HERC5: variants seen among roughly 807,000 people sequenced by gnomAD.
HERC5 encodes the protein E3 ISG15--protein ligase HERC5.
Under a neutral mutation model 119.6 loss-of-function variants are expected in HERC5, and 99 were observed. That is an observed-to-expected ratio of 0.83 (90% CI 0.70 to 0.98). The LOEUF (loss-of-function observed/expected upper bound fraction) is 0.98, where lower values mean the gene tolerates loss of function less well. Among genes scored for constraint, HERC5 ranks in the 50% least tolerant of loss-of-function variants. HERC5 has a pLI of 0.00. For missense variants in HERC5, 1,267 were observed against 1,241.3 expected (o/e 1.02, Z -0.31); for synonymous variants, 478 against 445.9 (o/e 1.07, Z -0.91).
Position 88,505,949 on chromosome 4 carries a change from T to C in HERC5, c.*71T>C. The C allele has an allele frequency of 7.8e-7, 1 of 1,286,042 alleles. No homozygotes were observed. Among genetic ancestry groups the C allele is most frequent in the Non-Finnish European group, 1.1e-6 (1 of 919,932 alleles). The allele number at this position is 1,286,042 out of a possible 1,614,324, so 79.7% of individuals were successfully genotyped here. A position where few individuals can be genotyped will look rare whatever the true frequency, so the allele number is the denominator to read the frequency against. On this transcript the variant is annotated 3_prime_UTR_variant, in exon 23 of 23. Coordinates refer to ENST00000264350, the MANE Select transcript of HERC5 (RefSeq NM_016323.4). ...TTGTTGTTGTTGTTGTTGTTGTTTC[T>C]CTACTTTGTTTTGTTTTAGGCTTTT...
rs1167338150 is a variant in HERC5 at position 88,476,011 on chromosome 4, C to T, written c.1563C>T (p.Asp521=). ...CAAAGGTTGTTTGTAAAATGAGTGA[C>T]CAGTCTTCACTGGTTCTGGGTAAGT... ...PFAKVVCKMS[D]QSSLVLEEYW... Residue 521 remains aspartate (D), a synonymous_variant, in exon 12 of 23, where the codon GAC becomes GAT. Coordinates refer to ENST00000264350, the MANE Select transcript of HERC5 (RefSeq NM_016323.4). 1.2e-6 allele frequency: 2 copies of T among 1,613,522 alleles called. No homozygotes were observed.
At chr4:88,460,021 C>T in intron 2 of HERC5, 74 bp from the exon 3 acceptor site, 1 of 784,930 alleles carries the variant, frequency 1.3e-6, no homozygotes, top group South Asian at 1.7e-5. Flanking sequence ...TAATTAAATA[C>T]TATTAATAGT....
At chr4:88,502,492 C>T (rs977564693) in intron 20 of HERC5, among the ~76,000 whole-genome samples, 6 of 152,086 alleles carry the variant, frequency 3.9e-5, no homozygotes, top group Non-Finnish European at 8.8e-5. Context: ...CAACCCAGAG[C>T]ATGCGTGGGG....
chr4:88,501,625 C>G (rs1741950683), intron 20 of HERC5, among the ~76,000 whole-genome samples: 1 of 151,896 alleles, frequency 6.6e-6, no homozygotes, highest in African/African-American at 2.4e-5. Context: ...TTTTTTTAAA[C>G]TTTGTATTGA....
rs955498125 is a variant in HERC5, at chr4:88,493,035, G to A, written c.2157G>A (p.Gly719=). 2.5e-6 allele frequency: 4 copies of A among 1,613,646 alleles called. No individual in the cohort carries two copies. The highest frequency in any genetic ancestry group is 2.7e-5 in the African/African-American group (2 of 74,896). ...ELWVSFSGEI[G]YDLGGVKKEF... Reference sequence around the variant, plus strand: ...AGGTTTCATTTAGTGGAGAAATTGGGTATGACCTCGGAGGAGTCAAGAAAG... The same window carrying A: ...AGGTTTCATTTAGTGGAGAAATTGGATATGACCTCGGAGGAGTCAAGAAAG... The change falls in exon 17 of 23, where the codon GGG becomes GGA. Residue 719 remains glycine, a synonymous_variant. Transcript: ENST00000264350.
At chr4:88,469,851 C>A (rs920647612) in intron 9 of HERC5, among the ~76,000 whole-genome samples, 6 of 152,176 alleles carry the variant, frequency 3.9e-5, no homozygotes, top group African/African-American at 1.4e-4. Context: ...AGCATGTAAG[C>A]GCCATGAGGA....
rs571261814 is a variant in HERC5 at position 88,506,055 on chromosome 4, G to A, written c.*177G>A. The stretch of plus-strand genomic sequence containing the variant: ...GGATGAAGAAGAGGGTTTACTGGCC[G>A]GTTAGAACCCGTGACTGTATTCTCT... On this transcript the variant is annotated 3_prime_UTR_variant, in exon 23 of 23. Transcript: ENST00000264350. 17 of 600,836 alleles carry A rather than the reference G, an allele frequency of 2.8e-5. No homozygotes were observed. Among genetic ancestry groups the A allele is most frequent in the East Asian group, 2.2e-4 (8 of 35,862 alleles). 37.2% of individuals were successfully genotyped at this position (600,836 alleles called of 1,614,324 possible). A position where few individuals can be genotyped will look rare whatever the true frequency, so the allele number is the denominator to read the frequency against.
intron 16 of HERC5, 85 bp downstream of exon 16, chr4:88,489,421 A>G: frequency 1.6e-6 from 2 of 1,254,186 alleles, no homozygotes; most frequent in Non-Finnish European, 2.2e-6. Context: ...ATAGAGAGGA[A>G]GTTATCTTCC....
At chr4:88,463,784 A>G in intron 5 of HERC5, 71 bp from the exon 6 acceptor site, 1 of 1,544,450 alleles carries the variant, frequency 6.5e-7, no homozygotes, top group Non-Finnish European at 8.9e-7. Context: ...TTAGTGATTC[A>G]CTTTGCATCA....
intron 4 of HERC5, among the ~76,000 whole-genome samples, chr4:88,463,226 A>G (rs890843359): frequency 5.3e-5 from 8 of 152,254 alleles, no homozygotes; most frequent in Middle Eastern, 3.2e-3. Context: ...AAGTAATTCT[A>G]GATGGCTGTT....
intron 8 of HERC5, 112 bp downstream of exon 8, chr4:88,468,534 TG>T: frequency 1.5e-6 from 1 of 653,352 alleles, no homozygotes; most frequent in Admixed American, 2.9e-5. Flanking sequence ...GCTGACTTTT[TG>T]GGGGATAGCT....
chr4:88,465,549 A>T (rs1181696489), intron 6 of HERC5, among the ~76,000 whole-genome samples: 1 of 152,218 alleles, frequency 6.6e-6, no homozygotes, highest in Non-Finnish European at 1.5e-5. Context: ...GTTCTCTTCA[A>T]TATTTATACC....
At chr4:88,461,199 T>C (rs1740430574) in intron 3 of HERC5, among the ~76,000 whole-genome samples, 1 of 152,184 alleles carries the variant, frequency 6.6e-6, no homozygotes, top group African/African-American at 2.4e-5. Flanking sequence ...AGTATGAACT[T>C]GTATTGGAAG....
intron 22 of HERC5, 49 bp from the exon 23 acceptor site, chr4:88,505,624 T>G (rs1168734527): frequency 9.2e-7 from 1 of 1,082,812 alleles, no homozygotes; most frequent in Non-Finnish European, 1.4e-6. Flanking sequence ...TGTAAAGAGA[T>G]TTTGGTCTCC....
rs1028569536 is a variant in HERC5, at chr4:88,457,638, C to A, written c.265+104C>A. On this transcript the variant is annotated intron_variant, in intron 1 of 22. Coordinates refer to ENST00000264350, the MANE Select transcript of HERC5 (RefSeq NM_016323.4). ...GGTCCGCGCCTGAGGGAGGAGAGCCCAGAAGGCCGCAGACGCGCGCCTGGC... is the reference window on the plus strand; with the variant it reads ...GGTCCGCGCCTGAGGGAGGAGAGCCAAGAAGGCCGCAGACGCGCGCCTGGC... 3.5e-6 allele frequency: 4 copies of A among 1,128,830 alleles called. No individual in the cohort carries two copies. In the Admixed American group the frequency reaches 1.7e-4, roughly 48 times the overall value. The allele number at this position is 1,128,830 out of a possible 1,614,324, so 69.9% of individuals were successfully genotyped here.
chr4:88,468,456 G>T (rs368466221), intron 8 of HERC5, 34 bp downstream of exon 8: 7 of 1,441,340 alleles, frequency 4.9e-6, no homozygotes, highest in Non-Finnish European at 5.8e-6. Flanking sequence ...CTATAACCTG[G>T]TATTTTAAGC....
At chr4:88,462,476 T>G in intron 4 of HERC5, 120 bp downstream of exon 4, 1 of 790,136 alleles carries the variant, frequency 1.3e-6, no homozygotes, top group Admixed American at 2.2e-5. Flanking sequence ...TCTTCCTGAT[T>G]ACCTCTCTGT....
intron 20 of HERC5, among the ~76,000 whole-genome samples, chr4:88,501,584 A>G (rs769307063): frequency 2.4e-4 from 36 of 152,212 alleles, no homozygotes; most frequent in Non-Finnish European, 5.0e-4. Context: ...GCTGGCCTAC[A>G]TCACATCTTT....
intron 2 of HERC5, 59 bp downstream of exon 2, chr4:88,459,529 C>A: frequency 9.1e-7 from 1 of 1,104,602 alleles, no homozygotes; most frequent in Non-Finnish European, 1.3e-6. Flanking sequence ...ATAATAATTT[C>A]TGTAGGAAAT....
Sources: gnomAD v4.1 joint callset for allele counts (sites outside exome capture counted in the v4.1 genomes callset) on GRCh38, gnomAD v4.1.1 for gene constraint, MANE v1.5 for transcripts, NCBI Gene and HGNC (gene_info 2026-07-23, HGNC 2026-07-21) for gene names.